DCBLD2: variants seen among roughly 807,000 people sequenced by gnomAD.
DCBLD2 encodes discoidin, CUB and LCCL domain containing 2.
A neutral mutation model predicts 86.8 loss-of-function variants in DCBLD2; 54 were observed. That is an observed-to-expected ratio of 0.62 (90% CI 0.50 to 0.78). The LOEUF (loss-of-function observed/expected upper bound fraction) is 0.78, where lower values mean the gene tolerates loss of function less well. Among genes scored for constraint, DCBLD2 ranks in the 30% least tolerant of loss-of-function variants. The pLI is 0.00. For synonymous variants in DCBLD2, 354 were observed against 341.3 expected, an observed-to-expected ratio of 1.04 and a Z score of -0.41; for missense variants, 908 against 954.2, an observed-to-expected ratio of 0.95 and a Z score of 0.64.
At chr3:98,878,971 G>A (rs1049926021) in intron 2 of DCBLD2, among the ~76,000 whole-genome samples, 4 of 152,162 alleles carry the variant, frequency 2.6e-5, no homozygotes, top group African/African-American at 9.7e-5. Flanking sequence ...CTCTCAACAA[G>A]TAACTCCTGG....
rs1014672425 is a variant in DCBLD2, at chr3:98,848,416, C to T, written c.571+1045G>A. ...ATTCTAAGTCTTTGCTATTGAATAG[C>T]GGTGCAATGAACATACACATGCTTA... On this transcript the variant is annotated intron_variant, in intron 3 of 15. Transcript: ENST00000326840. 6.6e-5 allele frequency among the ~76,000 whole-genome samples: 10 copies of T among 152,194 alleles called. No individual in the cohort carries two copies. The South Asian group carries it at 8.3e-4, about 13-fold the overall frequency.
At position 98,850,739 on chromosome 3, in the gene DCBLD2, T is replaced by C. The variant is rs186430635; in HGVS notation, c.434-1141A>G. Among the ~76,000 whole-genome samples the C allele has an allele frequency of 6.5e-4, 99 of 152,124 alleles. No homozygotes were observed. In the East Asian group the frequency reaches 0.014, roughly 21 times the overall value. On this transcript the variant is annotated intron_variant, in intron 2 of 15. Transcript: ENST00000326840. ...CTTATGAGTAGTGAATTCTAAGGAA[T>C]TGACAAATAAAACAAAACAAAACCT...
intron 12 of DCBLD2, 83 bp downstream of exon 12, chr3:98,811,111 G>T: frequency 1.4e-6 from 2 of 1,398,542 alleles, no homozygotes; most frequent in Non-Finnish European, 1.9e-6. Context: ...AAAATAAACT[G>T]AAGGTTTAAA....
intron 2 of DCBLD2, among the ~76,000 whole-genome samples, chr3:98,881,186 G>A (rs370648740): frequency 1.3e-5 from 2 of 151,354 alleles, no homozygotes; most frequent in Admixed American, 6.6e-5. Context: ...CCCAGGAGGC[G>A]GAGGTTGCAG....
At chr3:98,819,456 A>G in intron 7 of DCBLD2, 39 bp from the exon 8 acceptor site, 2 of 1,607,980 alleles carry the variant, frequency 1.2e-6, no homozygotes, top group Non-Finnish European at 1.7e-6. Flanking sequence ...TTCCAGGTAT[A>G]ATTTCAAAAT....
Position 98,838,719 on chromosome 3 carries a change from G to A in DCBLD2, c.571+10742C>T, listed in dbSNP as rs372024093. Among the ~76,000 whole-genome samples the A allele has an allele frequency of 5.3e-4, 81 of 152,226 alleles. No individual in the cohort carries two copies. The East Asian group carries it at 0.013, about 25-fold the overall frequency. On this transcript the variant is annotated intron_variant, in intron 3 of 15. Coordinates refer to ENST00000326840, the MANE Select transcript of DCBLD2 (RefSeq NM_080927.4). ...GCGGCTGGGAGGTGTAGGTTGTAGC[G>A]AGCCAAGATCACGCCACTGCACTCC...
chr3:98,801,178 T>G (rs1445826825), intron 14 of DCBLD2: 2 of 240,120 alleles, frequency 8.3e-6, no homozygotes, highest in African/African-American at 4.5e-5. Flanking sequence ...TGACAACTCA[T>G]CATGGGAGAC....
At chr3:98,897,700 T>A (rs1400229891) in intron 1 of DCBLD2, among the ~76,000 whole-genome samples, 2 of 152,130 alleles carry the variant, frequency 1.3e-5, no homozygotes, top group Admixed American at 6.5e-5. Context: ...TTTCACAGAT[T>A]AAATTAGCAA....
intron 8 of DCBLD2, among the ~76,000 whole-genome samples, 166 bp from the exon 9 acceptor site, chr3:98,818,059 C>G (rs1390943765): frequency 6.6e-6 from 1 of 152,142 alleles, no homozygotes; most frequent in Non-Finnish European, 1.5e-5. Flanking sequence ...AAATCCTTGG[C>G]CTTATTCCCT....
At chr3:98,888,077 T>C (rs900302041) in intron 1 of DCBLD2, among the ~76,000 whole-genome samples, 4 of 152,028 alleles carry the variant, frequency 2.6e-5, no homozygotes, top group African/African-American at 9.7e-5. Flanking sequence ...TGGAATCACA[T>C]AGTTGGTAGC....
intron 3 of DCBLD2, among the ~76,000 whole-genome samples, chr3:98,831,184 C>A (rs1331997435): frequency 3.3e-5 from 5 of 150,668 alleles, no homozygotes; most frequent in Admixed American, 3.3e-4. Context: ...GGATTACAGG[C>A]ACATGCCACC....
chr3:98,881,720 TAAG>T lies in DCBLD2; in HGVS notation c.250_252del (p.Leu84del), dbSNP rs1278713295. The T allele has an allele frequency of 1.3e-5, 21 of 1,613,924 alleles. No homozygotes were observed. Among genetic ancestry groups the T allele is most frequent in the Non-Finnish European group, 1.8e-5 (21 of 1,179,868 alleles). On this transcript the variant is annotated inframe_deletion, in exon 2 of 16. Transcript: ENST00000326840. ...TAGGTCTGTGGGTAGTTTATGGATGTAAGGGTTCCACTCTCAGGGCCTAGTACA... is the reference window on the plus strand; with the variant it reads ...TAGGTCTGTGGGTAGTTTATGGATGTGGTTCCACTCTCAGGGCCTAGTACA...
Position 98,874,596 on chromosome 3 carries a change from C to T in DCBLD2, c.433+6944G>A, listed in dbSNP as rs142146532. 2.3e-4 allele frequency among the ~76,000 whole-genome samples: 35 copies of T among 152,266 alleles called. No homozygotes were observed. The East Asian group carries it at 6.2e-3, about 27-fold the overall frequency. ...TCCTATTATGGACCAGATACTGGTA[C>T]GCCCCCCAAAATTAATTGCTGTTGA... On this transcript the variant is annotated intron_variant, in intron 2 of 15. Transcript: ENST00000326840.
chr3:98,811,898 A>G (rs1941946001), intron 10 of DCBLD2, among the ~76,000 whole-genome samples: 1 of 152,224 alleles, frequency 6.6e-6, no homozygotes, highest in Admixed American at 6.5e-5. Context: ...TGGAGGGCCA[A>G]CGATGTGTCA....
At position 98,812,386 on chromosome 3, in the gene DCBLD2, G is replaced by T; in HGVS notation, c.1309C>A (p.Gln437Lys). 1.2e-6 allele frequency: 2 copies of T among 1,613,472 alleles called. No individual in the cohort carries two copies. Among genetic ancestry groups the T allele is most frequent in the Non-Finnish European group, 1.7e-6 (2 of 1,179,626 alleles). ...TCCATTTTCATGGCAATTTTCTGCT[G>T]CCATTGGGTAGGATTCACTCTAATA... ...RFIRVNPTQWQQKIAMKMELL... is the reference protein window; with the variant it reads ...RFIRVNPTQWKQKIAMKMELL... The change falls in exon 10 of 16, where the codon CAG becomes AAG. Residue 437 changes from glutamine to lysine, a missense_variant. By Grantham distance (53) the Gln-to-Lys change is moderately conservative (BLOSUM62 1). Transcript: ENST00000326840.
chr3:98,887,267 G>A (rs1023508058), intron 1 of DCBLD2, among the ~76,000 whole-genome samples: 3 of 151,746 alleles, frequency 2.0e-5, no homozygotes, highest in African/African-American at 4.8e-5. Flanking sequence ...ATATATCTGC[G>A]AGATCTTAAA....
At position 98,799,137 on chromosome 3, in the gene DCBLD2, C is replaced by T. The variant is rs1029749209; in HGVS notation, c.*235G>A. ...CTTTTTCTGTATTAAAAATAGTGTT[C>T]TACAGTAGTATCAAACAGGACATTT... On this transcript the variant is annotated 3_prime_UTR_variant, in exon 16 of 16. Transcript: ENST00000326840. 4.4e-6 allele frequency: 2 copies of T among 451,294 alleles called. No homozygotes were observed. Among genetic ancestry groups the T allele is most frequent in the Non-Finnish European group, 7.9e-6 (2 of 253,088 alleles). 28.0% of individuals were successfully genotyped at this position (451,294 alleles called of 1,614,324 possible). A position where few individuals can be genotyped will look rare whatever the true frequency, so the allele number is the denominator to read the frequency against.
At chr3:98,886,807 CCCT>C (rs776437963) in intron 1 of DCBLD2, among the ~76,000 whole-genome samples, 1,905 of 138,744 alleles carry the variant, frequency 0.014, 21 homozygotes, top group African/African-American at 0.024. Flanking sequence ...AAAACCCCCC[CCCT>C]TTTTTTTTTT....
At chr3:98,823,887 A>ACCG (rs1452387632) in intron 4 of DCBLD2, among the ~76,000 whole-genome samples, 6 of 152,168 alleles carry the variant, frequency 3.9e-5, no homozygotes, top group Middle Eastern at 3.4e-3. Context: ...AGGACTCTGT[A>ACCG]CCGCCCCCAG....
Sources: gnomAD v4.1 joint callset for allele counts (sites outside exome capture counted in the v4.1 genomes callset) on GRCh38, gnomAD v4.1.1 for gene constraint, MANE v1.5 for transcripts, NCBI Gene and HGNC (gene_info 2026-07-23, HGNC 2026-07-21) for gene names.